Variants in TRAF3IP3 observed in about 807,000 individuals in gnomAD.
TRAF3IP3 encodes the protein TRAF3-interacting JNK-activating modulator.
In TRAF3IP3, 64 loss-of-function variants were observed where a neutral mutation model predicts 86.5. The observed-to-expected ratio is 0.74, with a 90% CI of 0.60 to 0.91. The LOEUF (loss-of-function observed/expected upper bound fraction) is 0.91, where lower values mean the gene tolerates loss of function less well. Ranked by LOEUF, TRAF3IP3 falls within the 40% of genes least tolerant of loss-of-function variation. TRAF3IP3 has a pLI of 0.00. For missense variants in TRAF3IP3, 579 were observed against 642.9 expected (o/e 0.90, Z 1.07); for synonymous variants, 220 against 243.9 (o/e 0.90, Z 0.91).
chr1:209,770,797 ATGGAGGTGTGTGTGTGCAGG>A (rs2077471176), intron 8 of TRAF3IP3, among the ~76,000 whole-genome samples: 3 of 51,778 alleles, frequency 5.8e-5, no homozygotes, highest in Non-Finnish European at 1.1e-4. Context: ...GTGTGTGCAT[ATGGAGGTGTGTGTGTGCAGG>A]TGGAGGTGTG....
At chr1:209,766,297 G>C (rs1281135897) in intron 8 of TRAF3IP3, among the ~76,000 whole-genome samples, 1 of 152,162 alleles carries the variant, frequency 6.6e-6, no homozygotes, top group African/African-American at 2.4e-5. Context: ...GTGGTTTCTG[G>C]TCCTGAACTA....
intron 3 of TRAF3IP3, among the ~76,000 whole-genome samples, chr1:209,761,773 A>T (rs1478628805): frequency 3.3e-5 from 5 of 152,240 alleles, no homozygotes; most frequent in Non-Finnish European, 7.3e-5. Context: ...CCTAGAAAAG[A>T]TGGGATCTGA....
intron 8 of TRAF3IP3, among the ~76,000 whole-genome samples, chr1:209,768,868 C>A (rs1036809358): frequency 4.6e-5 from 7 of 152,168 alleles, no homozygotes; most frequent in Non-Finnish European, 7.3e-5. Context: ...AACTTGGCTG[C>A]GACTTTTATG....
At chr1:209,770,820 GAGGT>G (rs2077473111) in intron 8 of TRAF3IP3, among the ~76,000 whole-genome samples, 1 of 110,474 alleles carries the variant, frequency 9.1e-6, no homozygotes, top group African/African-American at 3.2e-5. Flanking sequence ...TGTGCAGGTG[GAGGT>G]GTGTGTCTAT....
chr1:209,757,273 G>C (rs2077170740), intron 1 of TRAF3IP3, among the ~76,000 whole-genome samples: 1 of 152,218 alleles, frequency 6.6e-6, no homozygotes, highest in South Asian at 2.1e-4. Context: ...GTGGACTAAG[G>C]TTGGTGGCCT....
At chr1:209,779,958 A>C in intron 14 of TRAF3IP3, 1 of 164,056 alleles carries the variant, frequency 6.1e-6, no homozygotes, top group Non-Finnish European at 1.3e-5. Context: ...CAACACAGCT[A>C]TAACAACAAT....
At chr1:209,760,429 C>T in intron 3 of TRAF3IP3, 45 bp downstream of exon 3, 1 of 1,488,282 alleles carries the variant, frequency 6.7e-7, no homozygotes, top group Non-Finnish European at 9.0e-7. Context: ...CTGGGACCCT[C>T]TCTGGACAAG....
intron 9 of TRAF3IP3, among the ~76,000 whole-genome samples, chr1:209,774,314 A>T (rs777370636): frequency 6.6e-6 from 1 of 152,136 alleles, no homozygotes; most frequent in Non-Finnish European, 1.5e-5. Context: ...ATTTTTTTTT[A>T]AAGCAGCAGC....
intron 1 of TRAF3IP3, among the ~76,000 whole-genome samples, chr1:209,758,229 C>T (rs548708457): frequency 6.6e-6 from 1 of 152,288 alleles, no homozygotes; most frequent in Admixed American, 6.5e-5. Context: ...CCTATGCCCA[C>T]TCCCACCCTT....
chr1:209,772,359 G>T (rs1427449916), intron 8 of TRAF3IP3, among the ~76,000 whole-genome samples: 1 of 152,082 alleles, frequency 6.6e-6, no homozygotes, highest in East Asian at 1.9e-4. Flanking sequence ...TTGGATTAGG[G>T]CCAGCTTAAT....
intron 8 of TRAF3IP3, chr1:209,768,013 A>T: frequency 3.8e-6 from 2 of 527,782 alleles, no homozygotes; most frequent in Non-Finnish European, 4.9e-6. Flanking sequence ...TTCCAGTTTT[A>T]AAGAAAAACA....
rs2077279708 is a variant in TRAF3IP3 at position 209,763,234 on chromosome 1, T to C, written c.577-129T>C. ...GGGTACTGAGCATAGACATGGGGAC[T>C]AAAGGGACCCTGTCAGAGCCAAAGC... On this transcript the variant is annotated intron_variant, in intron 6 of 16. Coordinates refer to ENST00000367025, the MANE Select transcript of TRAF3IP3 (RefSeq NM_025228.4). The C allele has an allele frequency of 2.2e-6, 3 of 1,383,970 alleles. No homozygotes were observed. In the Admixed American group the frequency reaches 5.1e-5, roughly 23 times the overall value. 85.7% of individuals were successfully genotyped at this position (1,383,970 alleles called of 1,614,324 possible).
chr1:209,765,646 G>A (rs1037749127), intron 8 of TRAF3IP3, among the ~76,000 whole-genome samples: 1 of 152,058 alleles, frequency 6.6e-6, no homozygotes, highest in Non-Finnish European at 1.5e-5. Context: ...CAGCCTGGGC[G>A]ATGGGAGTGA....
intron 8 of TRAF3IP3, 114 bp from the exon 9 acceptor site, chr1:209,772,834 A>G: frequency 1.2e-6 from 1 of 831,694 alleles, no homozygotes; most frequent in Admixed American, 2.3e-5. Context: ...CTCCTGAAAG[A>G]GTTCACTGTT....
At chr1:209,770,736 TGGA>T (rs1238357775) in intron 8 of TRAF3IP3, among the ~76,000 whole-genome samples, 1 of 133,594 alleles carries the variant, frequency 7.5e-6, no homozygotes, top group Non-Finnish European at 1.6e-5. Flanking sequence ...CGTGTGCAGG[TGGA>T]GGTGTGCGTG....
chr1:209,779,791 G>A, intron 14 of TRAF3IP3: 1 of 455,874 alleles, frequency 2.2e-6, no homozygotes, highest in Non-Finnish European at 3.9e-6. Context: ...AGAATTCACT[G>A]TGTATACAGA....
intron 8 of TRAF3IP3, among the ~76,000 whole-genome samples, chr1:209,769,469 A>C (rs961533908): frequency 2.0e-5 from 3 of 152,250 alleles, no homozygotes; most frequent in African/African-American, 7.2e-5. Context: ...GTTAGGAAAA[A>C]CATTAATAGC....
chr1:209,768,718 C>T, intron 8 of TRAF3IP3: 1 of 984,796 alleles, frequency 1.0e-6, no homozygotes, highest in Non-Finnish European at 1.2e-6. Flanking sequence ...CCCTCTGAGC[C>T]CTCGGCTCCC....
At chr1:209,771,214 TGTGTGTGTGC>T (rs2077503985) in intron 8 of TRAF3IP3, among the ~76,000 whole-genome samples, 1 of 132,344 alleles carries the variant, frequency 7.6e-6, no homozygotes, top group African/African-American at 2.7e-5. Context: ...CATGTGAAGG[TGTGTGTGTGC>T]ATGTGAAGGT....
Sources: gnomAD v4.1 joint callset for allele counts (sites outside exome capture counted in the v4.1 genomes callset) on GRCh38, gnomAD v4.1.1 for gene constraint, MANE v1.5 for transcripts, NCBI Gene and HGNC (gene_info 2026-07-23, HGNC 2026-07-21) for gene names.